Variants in SDK2 observed in about 807,000 individuals in gnomAD.
The protein encoded by SDK2 is protein sidekick-2.
SDK2 carries 105 observed loss-of-function variants against 253.9 expected under a neutral mutation model. The observed-to-expected ratio is 0.41, with a 90% CI of 0.35 to 0.49. The LOEUF is 0.49. SDK2 is among the 20% of genes least tolerant of loss of function. The pLI is 0.06. For synonymous variants in SDK2, 1,249 were observed against 1,234.9 expected, an observed-to-expected ratio of 1.01 and a Z score of -0.24; for missense variants, 2,608 against 3,003.0, an observed-to-expected ratio of 0.87 and a Z score of 3.07.
chr17:73,591,950 C>CCAAGAG (rs1161025728), intron 1 of SDK2, among the ~76,000 whole-genome samples: 3 of 152,138 alleles, frequency 2.0e-5, no homozygotes, highest in Non-Finnish European at 2.9e-5. Context: ...TAAAAGGCTG[C>CCAAGAG]CAAGAGCACA....
At chr17:73,551,244 G>A (rs1205300909) in intron 1 of SDK2, among the ~76,000 whole-genome samples, 1 of 152,192 alleles carries the variant, frequency 6.6e-6, no homozygotes, top group Non-Finnish European at 1.5e-5. Flanking sequence ...AGCTTCTGGT[G>A]CCTTCGTGAT....
In SDK2 at chr17:73,541,870, A is replaced by G. The variant is rs1268337856; in HGVS notation, c.65-34273T>C. On this transcript the variant is annotated intron_variant, in intron 1 of 44. Transcript: ENST00000392650. This position sits in a 1 kb window ranked among gnomAD's most constrained non-coding sequence, Gnocchi z 4.3. ...TCAATCGGGCTCATGGTTTGGTGGA[A>G]ACCACCTAGGCTGGGATGCAAGTCC... Among the ~76,000 whole-genome samples, 1 of 152,184 alleles carries G rather than the reference A, an allele frequency of 6.6e-6. No homozygotes were observed. The highest frequency in any genetic ancestry group is 1.5e-5 in the Non-Finnish European group (1 of 68,024).
rs2062637604 is a variant in SDK2 at position 73,361,275 on chromosome 17, G to A, written c.5467+409C>T. Among the ~76,000 whole-genome samples, 1 of 152,234 alleles carries A rather than the reference G, an allele frequency of 6.6e-6. No individual in the cohort carries two copies. Among genetic ancestry groups the A allele is most frequent in the South Asian group, 2.1e-4 (1 of 4,832 alleles). Reference sequence around the variant, plus strand: ...CTGAGAACCGCTGCCTGGAGGGTAGGGGTGGTTCAGGGGCGTGGGAAGATG... The same window carrying A: ...CTGAGAACCGCTGCCTGGAGGGTAGAGGTGGTTCAGGGGCGTGGGAAGATG... On this transcript the variant is annotated intron_variant, in intron 39 of 44. Transcript: ENST00000392650. This position sits in a 1 kb window ranked among gnomAD's most constrained non-coding sequence, Gnocchi z 4.1.
intron 36 of SDK2, among the ~76,000 whole-genome samples, chr17:73,373,808 T>G (rs1439423534): frequency 6.6e-6 from 1 of 152,116 alleles, no homozygotes; most frequent in Non-Finnish European, 1.5e-5. Flanking sequence ...AGCTAATTTT[T>G]GTATTTTTAG....
At chr17:73,596,715 C>T (rs1327512776) in intron 1 of SDK2, among the ~76,000 whole-genome samples, 1 of 152,134 alleles carries the variant, frequency 6.6e-6, no homozygotes, top group Non-Finnish European at 1.5e-5. Flanking sequence ...GTGGCTGGTT[C>T]CAGCCTCCCC....
intron 15 of SDK2, among the ~76,000 whole-genome samples, chr17:73,420,018 G>A (rs766843205): frequency 2.5e-4 from 38 of 152,204 alleles, no homozygotes; most frequent in Non-Finnish European, 5.1e-4. Context: ...AGAAATGTTG[G>A]TCACATCCCA....
intron 1 of SDK2, among the ~76,000 whole-genome samples, chr17:73,640,783 C>T (rs996900563): frequency 2.6e-5 from 4 of 152,196 alleles, no homozygotes; most frequent in African/African-American, 7.2e-5. Context: ...GTTGTCCCCA[C>T]TGCCTTGTTC....
intron 1 of SDK2, among the ~76,000 whole-genome samples, chr17:73,561,328 AG>A (rs1378732044): frequency 6.6e-6 from 1 of 152,138 alleles, no homozygotes; most frequent in African/African-American, 2.4e-5. Flanking sequence ...GACGAGACCT[AG>A]GGGGAAGTGG....
chr17:73,580,765 T>C (rs1190147023), intron 1 of SDK2, among the ~76,000 whole-genome samples: 1 of 152,072 alleles, frequency 6.6e-6, no homozygotes, highest in African/African-American at 2.4e-5. Flanking sequence ...CAAAGCGTTT[T>C]GGATTTGCGA....
At chr17:73,606,682 G>A (rs1332798339) in intron 1 of SDK2, among the ~76,000 whole-genome samples, 1 of 152,074 alleles carries the variant, frequency 6.6e-6, no homozygotes, top group African/African-American at 2.4e-5. Context: ...GTTTTCTTTT[G>A]GAAAGTCACG....
intron 44 of SDK2, among the ~76,000 whole-genome samples, chr17:73,343,222 C>T (rs1346685756): frequency 6.6e-6 from 1 of 152,216 alleles, no homozygotes; most frequent in African/African-American, 2.4e-5. Context: ...GGCAGCATCT[C>T]GGGGATGGAA....
Position 73,352,669 on chromosome 17 carries a change from G to A in SDK2, c.5594-32C>T, listed in dbSNP as rs1167057130. The A allele has an allele frequency of 6.2e-7, 1 of 1,609,554 alleles. No individual in the cohort carries two copies. The highest frequency in any genetic ancestry group is 8.5e-7 in the Non-Finnish European group (1 of 1,176,366). ...GAGCACAGAGATGGAGGCCCTGGGA[G>A]GTGAGGGGAAGCCCCAAATCCCGCT... On this transcript the variant is annotated intron_variant, in intron 40 of 44. Transcript: ENST00000392650. This position sits in a 1 kb window ranked among gnomAD's most constrained non-coding sequence, Gnocchi z 4.1.
intron 1 of SDK2, among the ~76,000 whole-genome samples, chr17:73,627,364 C>T (rs1381649700): frequency 6.6e-6 from 1 of 151,952 alleles, no homozygotes; most frequent in African/African-American, 2.4e-5. Context: ...GTCTTAGGTT[C>T]AGTCAAATAT....
chr17:73,379,519 C>T lies in SDK2; in HGVS notation c.4793G>A (p.Arg1598Gln), dbSNP rs775335270. 11 of 1,612,400 alleles carry T rather than the reference C, an allele frequency of 6.8e-6. No individual in the cohort carries two copies. The highest frequency in any genetic ancestry group is 4.5e-5 in the East Asian group (2 of 44,868). The stretch of plus-strand genomic sequence containing the variant: ...ACCCACAGCGTTGTACACGCTCATC[C>T]GTATCTCGTACCGCCTGTGCTTGTT... ...NLNKHRRYEIRMSVYNAVGEG... is the reference protein window; with the variant it reads ...NLNKHRRYEIQMSVYNAVGEG... Residue 1598 changes from arginine to glutamine, a missense_variant, in exon 35 of 45, where the codon CGG becomes CAG. Around this residue, in one of 2 missense-constraint regions of SDK2, gnomAD observed 1,103 missense variants for 1,143.9 expected, o/e 0.96. Coordinates refer to ENST00000392650, the MANE Select transcript of SDK2 (RefSeq NM_001144952.2). This position sits in a 1 kb window ranked among gnomAD's most constrained non-coding sequence, Gnocchi z 4.5.
Position 73,433,766 on chromosome 17 carries a change from C to T in SDK2, c.1278G>A (p.Ser426=), listed in dbSNP as rs142980422. ...AAGTGATAGCTGGTCGGGGCGCCCC[C>T]GAGGTCTCACATGCTAGCACCACTG... The part of the protein sequence containing the change: ...GMSVVLACET[S]GAPRPAITWQ... The change falls in exon 10 of 45, where the codon TCG becomes TCA. Residue 426 remains serine, a synonymous_variant. Transcript: ENST00000392650. 3.0e-4 allele frequency: 480 copies of T among 1,608,364 alleles called. No homozygotes were observed. Among genetic ancestry groups the T allele is most frequent in the Admixed American group, 1.3e-4 (8 of 59,392 alleles).
Position 73,338,941 on chromosome 17 carries a change from C to T in SDK2, c.6166-1G>A. 1 of 1,613,670 alleles carries T rather than the reference C, an allele frequency of 6.2e-7. No individual in the cohort carries two copies. Among genetic ancestry groups the T allele is most frequent in the Non-Finnish European group, 8.5e-7 (1 of 1,179,606 alleles). ...CGACCTCGTACTCGCTGTCACTTCC[C>T]TGGGAGGACAGAGAATCAGGGTGTG... On this transcript the variant is annotated splice_acceptor_variant, in intron 44 of 44. Transcript: ENST00000392650. LOFTEE classifies it high-confidence loss of function. This position sits in a 1 kb window ranked among gnomAD's most constrained non-coding sequence, Gnocchi z 5.0.
intron 17 of SDK2, among the ~76,000 whole-genome samples, chr17:73,415,102 G>A (rs951669857): frequency 5.9e-5 from 9 of 152,218 alleles, no homozygotes; most frequent in Middle Eastern, 3.4e-3. Context: ...TATGCCTGGA[G>A]CCTCTGCCCT....
At chr17:73,601,743 G>A (rs2045844068) in intron 1 of SDK2, among the ~76,000 whole-genome samples, 1 of 147,928 alleles carries the variant, frequency 6.8e-6, no homozygotes, top group Non-Finnish European at 1.5e-5. Flanking sequence ...CTCCAGAACT[G>A]TTTTTTTTTT....
chr17:73,615,904 T>TAAACACAGTCACATACATATATAC (rs2046048280), intron 1 of SDK2, among the ~76,000 whole-genome samples: 1 of 152,162 alleles, frequency 6.6e-6, no homozygotes, highest in Non-Finnish European at 1.5e-5. Flanking sequence ...TACATATATG[T>TAAACACAGTCACATACATATATAC]ACACACAGTC....
Sources: gnomAD v4.1 joint callset for allele counts (sites outside exome capture counted in the v4.1 genomes callset) on GRCh38, gnomAD v4.1.1 for gene constraint, gnomAD v4.1.1 regional missense constraint, Gnocchi (gnomAD v3.1) non-coding constraint, MANE v1.5 for transcripts, NCBI Gene and HGNC (gene_info 2026-07-23, HGNC 2026-07-21) for gene names.